The following PFKFB3 variants were observed in gnomAD, a reference collection of about 807,000 sequenced individuals.
PFKFB3 encodes the protein 6-phosphofructo-2-kinase/fructose-2,6-biphosphatase 3.
A neutral mutation model predicts 68.0 loss-of-function variants in PFKFB3; 33 were observed. The observed-to-expected ratio is 0.49, with a 90% CI of 0.37 to 0.65. The LOEUF is 0.65. PFKFB3 is among the 30% of genes least tolerant of loss of function. The pLI is 0.00. For synonymous variants in PFKFB3, 315 were observed against 288.2 expected (o/e 1.09, Z -0.94); for missense variants, 586 against 712.2 (o/e 0.82, Z 2.02).
the PFKFB3 span, among the ~76,000 whole-genome samples, chr10:6,303,173 A>G: frequency 4.6e-5 from 7 of 152,164 alleles, no homozygotes; most frequent in Admixed American, 3.9e-4. Context: ...TGATTTATGG[A>G]CTGCTCTAAG....
the PFKFB3 span, among the ~76,000 whole-genome samples, chr10:6,310,003 G>A: frequency 6.6e-6 from 1 of 152,128 alleles, no homozygotes; most frequent in Non-Finnish European, 1.5e-5. Context: ...GGATTGACGG[G>A]CATTAGCTGT....
chr10:6,304,267 A>G, the PFKFB3 span, among the ~76,000 whole-genome samples: 1 of 152,062 alleles, frequency 6.6e-6, no homozygotes, highest in Non-Finnish European at 1.5e-5. Context: ...ACTGATGACA[A>G]CTTGACCCAG....
intron 14 of PFKFB3, among the ~76,000 whole-genome samples, chr10:6,241,543 A>G (rs1044202228): frequency 1.3e-5 from 2 of 152,202 alleles, no homozygotes; most frequent in Admixed American, 1.3e-4. Flanking sequence ...TGTTAAAACC[A>G]TCACCAGGCC....
chr10:6,249,995 A>G (rs879217080), intron 14 of PFKFB3, among the ~76,000 whole-genome samples: 2 of 152,160 alleles, frequency 1.3e-5, no homozygotes, highest in Non-Finnish European at 2.9e-5. Context: ...GTGAACATTT[A>G]AAAAAGCATT....
At chr10:6,203,915 C>T (rs535929367) in intron 1 of PFKFB3, among the ~76,000 whole-genome samples, 27 of 150,036 alleles carry the variant, frequency 1.8e-4, no homozygotes, top group African/African-American at 6.1e-4. Context: ...TTTCTCTCTC[C>T]TTCTCTCTCT....
intron 1 of PFKFB3, among the ~76,000 whole-genome samples, chr10:6,177,466 TTC>T (rs755154427): frequency 6.9e-6 from 1 of 144,640 alleles, no homozygotes; most frequent in Admixed American, 7.1e-5. Flanking sequence ...CTTTCTTTCT[TTC>T]TTTCTTTCTT....
chr10:6,270,079 C>A, the PFKFB3 span, among the ~76,000 whole-genome samples: 9 of 152,228 alleles, frequency 5.9e-5, no homozygotes, highest in Admixed American at 2.0e-4. Context: ...TTGCAGTGAG[C>A]CGAGATCGCG....
intron 9 of PFKFB3, 56 bp from the exon 10 acceptor site, chr10:6,221,585 G>C (rs972760332): frequency 1.2e-5 from 19 of 1,611,184 alleles, no homozygotes; most frequent in Non-Finnish European, 1.5e-5. Context: ...GGCTTCCCAA[G>C]AGGCCCTAGA....
chr10:6,237,036 T>G (rs768656216), downstream of PFKFB3, among the ~76,000 whole-genome samples: 2 of 152,186 alleles, frequency 1.3e-5, no homozygotes, highest in African/African-American at 2.4e-5. Context: ...CACACTGGCC[T>G]CCTGCAGGTC....
At chr10:6,274,832 T>C in the PFKFB3 span, among the ~76,000 whole-genome samples, 1 of 134,532 alleles carries the variant, frequency 7.4e-6, no homozygotes, top group Admixed American at 7.3e-5. Context: ...CCAGACTCTG[T>C]CTCAAAAAAA....
rs750259449 is a variant in PFKFB3, at chr10:6,226,273, C to T, written c.1423C>T (p.Arg475Cys). ...LASPEPTKKP[R>C]INSFEEHVAS... ...CAGCCCCGAACCCACCAAAAAGCCT[C>T]GCATCAACAGCTTTGAGGAGCATGT... Residue 475 changes from arginine (R) to cysteine (C), a missense_variant, in exon 14 of 15, where the codon CGC (arginine) becomes TGC (cysteine). By Grantham distance (180) the Arg-to-Cys change is radical (BLOSUM62 -3). Transcript: ENST00000379775. 23 of 1,614,088 alleles carry T rather than the reference C, an allele frequency of 1.4e-5. No homozygotes were observed. Among genetic ancestry groups the T allele is most frequent in the Non-Finnish European group, 1.7e-5 (20 of 1,180,032 alleles).
rs866477881 is a variant in PFKFB3 at position 6,219,035 on chromosome 10, C to A, written c.499-534C>A. Among the ~76,000 whole-genome samples the A allele has an allele frequency of 2.6e-5, 4 of 152,212 alleles. No individual in the cohort carries two copies. In the East Asian group the frequency reaches 7.7e-4, roughly 29 times the overall value. On this transcript the variant is annotated intron_variant, in intron 6 of 14. Coordinates refer to ENST00000379775, the MANE Select transcript of PFKFB3 (RefSeq NM_004566.4). ...TGTGTTGTTGCCTAGGAGAGCGAGC[C>A]CTGCAAAGGAGCCGGCACAGCCCTA...
chr10:6,292,121 G>T, the PFKFB3 span, among the ~76,000 whole-genome samples: 4,660 of 148,472 alleles, frequency 0.031, 226 homozygotes, highest in African/African-American at 0.11. Context: ...GCCTGGCTAA[G>T]TTTTATATTT....
Position 6,220,942 on chromosome 10 carries a change from GTGC to G in PFKFB3, c.831+103_831+105del, listed in dbSNP as rs3084010. ...GTCTATAGGGTGGGTGGGGAGCTGT[GTGC>G]TGCTGCTGCTGCTGCTGCTGCTGCT... On this transcript the variant is annotated intron_variant, in intron 8 of 14. Transcript: ENST00000379775. The surrounding 1 kb of genome is among the most constrained non-coding windows in gnomAD (Gnocchi z 4.1). 578 of 884,910 alleles carry G rather than the reference GTGC, an allele frequency of 6.5e-4. 1 individual carries two copies. Among genetic ancestry groups the G allele is most frequent in the Admixed American group, 8.9e-4 (48 of 53,784 alleles). 54.8% of individuals were successfully genotyped at this position (884,910 alleles called of 1,614,324 possible).
In PFKFB3 at chr10:6,229,290, A is replaced by C. The variant is rs1195309245; in HGVS notation, c.1515+2925A>C. The C allele has an allele frequency of 2.4e-6, 1 of 417,140 alleles. No homozygotes were observed. The highest frequency in any genetic ancestry group is 5.0e-6 in the Non-Finnish European group (1 of 198,426). 25.8% of individuals were successfully genotyped at this position (417,140 alleles called of 1,614,324 possible). The stretch of plus-strand genomic sequence containing the variant: ...GACCACCCTGGGAGGTCGGCAGGGC[A>C]GTCAGTCCCCCGTTTAATGGTTGAG... On this transcript the variant is annotated intron_variant, in intron 14 of 14. Coordinates refer to ENST00000379775, the MANE Select transcript of PFKFB3 (RefSeq NM_004566.4). This position sits in a 1 kb window ranked among gnomAD's most constrained non-coding sequence, Gnocchi z 4.3.
chr10:6,208,370 C>CATTTTTTTTTTTTTTT (rs1843930762), intron 1 of PFKFB3, among the ~76,000 whole-genome samples: 1 of 42,434 alleles, frequency 2.4e-5, no homozygotes. Flanking sequence ...GGGTACCTGG[C>CATTTTTTTTTTTTTTT]CTTTTTTTTT....
rs1844641172 is a variant in PFKFB3 at position 6,217,185 on chromosome 10, T to C, written c.492T>C (p.Asn164=). 4 of 1,613,842 alleles carry C rather than the reference T, an allele frequency of 2.5e-6. No individual in the cohort carries two copies. The highest frequency in any genetic ancestry group is 3.4e-6 in the Non-Finnish European group (4 of 1,179,778). Residue 164 remains asparagine (N), a synonymous_variant, in exon 6 of 15, where the codon AAT becomes AAC. Transcript: ENST00000379775. ...ACGACCCTACAGTTGTGGCCTCCAA[T>C]ATCATGGTAAGACAGCCGGGAGCCC... The part of the protein sequence containing the change: ...VCDDPTVVAS[N]IMEVKISSPD...
At chr10:6,197,867 G>A (rs548882331), upstream of PFKFB3, 16 of 152,008 alleles carry the variant, frequency 1.1e-4, no homozygotes, top group Non-Finnish European at 1.8e-4. Flanking sequence ...ATTTTACATA[G>A]GAATCTTATA....
chr10:6,231,002 C>T lies in PFKFB3; in HGVS notation c.1516-1893C>T, dbSNP rs572637069. Among the ~76,000 whole-genome samples, 249 of 152,184 alleles carry T rather than the reference C, an allele frequency of 1.6e-3. 1 individual carries two copies. The highest frequency in any genetic ancestry group is 2.8e-3 in the Non-Finnish European group (189 of 68,006). On this transcript the variant is annotated intron_variant, in intron 14 of 14. Coordinates refer to ENST00000379775, the MANE Select transcript of PFKFB3 (RefSeq NM_004566.4). Reference sequence around the variant, plus strand: ...AAGTGCTGGGATTACAGATGTGAGCCACCACGCCCAGCCTAGAGTCTTCAC... The same window carrying T: ...AAGTGCTGGGATTACAGATGTGAGCTACCACGCCCAGCCTAGAGTCTTCAC...
Sources: gnomAD v4.1 joint callset for allele counts (sites outside exome capture counted in the v4.1 genomes callset) on GRCh38, gnomAD v4.1.1 for gene constraint, Gnocchi (gnomAD v3.1) non-coding constraint, MANE v1.5 for transcripts, NCBI Gene and HGNC (gene_info 2026-07-23, HGNC 2026-07-21) for gene names.